The following PTK2 variants were observed in gnomAD, a reference collection of about 807,000 sequenced individuals.
PTK2 encodes focal adhesion kinase 1.
Under a neutral mutation model 150.1 loss-of-function variants are expected in PTK2, and 45 were observed. The ratio of observed to expected loss-of-function variants is 0.30; its 90% CI spans 0.24 to 0.38. The LOEUF is 0.38. Among genes scored for constraint, PTK2 ranks in the 10% least tolerant of loss-of-function variants. The probability of loss-of-function intolerance (pLI) is 1.00; values close to 1 mark genes in which losing one functional copy is unlikely to be tolerated. For missense variants in PTK2, 919 were observed against 1,307.3 expected (o/e 0.70, Z 4.58); for synonymous variants, 432 against 449.2 (o/e 0.96, Z 0.48).
exon 12 of PTK2, chr8:140,800,567 C>G: frequency 6.2e-7 from 1 of 1,612,142 alleles, no homozygotes; most frequent in Non-Finnish European, 8.5e-7. Context: ...GGTGCCGTCA[C>G]TGTCAGAGGC....
chr8:140,663,927 T>C (rs2085090482), intron 31 of PTK2, among the ~76,000 whole-genome samples: 1 of 152,208 alleles, frequency 6.6e-6, no homozygotes, highest in Non-Finnish European at 1.5e-5. Context: ...GTGTTGGGAT[T>C]ACAGAGGTGA....
chr8:140,764,607 G>A, intron 14 of PTK2: 1 of 415,022 alleles, frequency 2.4e-6, no homozygotes, highest in Non-Finnish European at 4.3e-6. Context: ...CAACCGCAAA[G>A]CTCTTCCTCA....
chr8:140,746,631 C>T, intron 18 of PTK2, 129 bp downstream of exon 21: 1 of 637,340 alleles, frequency 1.6e-6, no homozygotes. Flanking sequence ...TGAACCAAAA[C>T]CATAATGACA....
chr8:140,665,453 C>T (rs2089959160), intron 30 of PTK2, among the ~76,000 whole-genome samples: 1 of 152,152 alleles, frequency 6.6e-6, no homozygotes, highest in Admixed American at 6.5e-5. Flanking sequence ...GATGACACCA[C>T]TGCCCCGGAT....
At chr8:140,975,746 G>A (rs1443563373) in intron 1 of PTK2, among the ~76,000 whole-genome samples, 2 of 152,208 alleles carry the variant, frequency 1.3e-5, no homozygotes, top group Non-Finnish European at 2.9e-5. Flanking sequence ...GGCATCACAA[G>A]GGACTTGCCC....
At chr8:140,743,199 C>A in intron 20 of PTK2, 31 bp downstream of exon 23, 3 of 1,396,504 alleles carry the variant, frequency 2.1e-6, no homozygotes, top group Non-Finnish European at 2.0e-6. Flanking sequence ...GATTCCAAGC[C>A]TATTTCTTAG....
chr8:140,694,692 C>CAGA (rs1202952851), intron 26 of PTK2, among the ~76,000 whole-genome samples: 2 of 152,140 alleles, frequency 1.3e-5, no homozygotes, highest in South Asian at 2.1e-4. Context: ...GGCCAAGACC[C>CAGA]AGAAACAAGC....
chr8:140,820,065 A>C (rs1408478873), intron 8 of PTK2, among the ~76,000 whole-genome samples: 1 of 54,898 alleles, frequency 1.8e-5, no homozygotes, highest in Admixed American at 2.4e-4. Context: ...GAGTGACTTT[A>C]TCTGACTTTG....
chr8:140,835,966 C>A (rs746311482), intron 7 of PTK2, among the ~76,000 whole-genome samples: 1 of 151,978 alleles, frequency 6.6e-6, no homozygotes, highest in Admixed American at 6.6e-5. Context: ...CTCCCTGTGA[C>A]GAGAATGGCA....
At chr8:140,954,674 AAGAC>A (rs1228205200) in intron 1 of PTK2, 1 of 152,200 alleles carries the variant, frequency 6.6e-6, no homozygotes, top group Non-Finnish European at 1.5e-5. Context: ...AAGAGACACT[AAGAC>A]AGGTGAAAGA....
At chr8:140,817,731 C>G (rs1489764985) in intron 10 of PTK2, among the ~76,000 whole-genome samples, 4 of 152,134 alleles carry the variant, frequency 2.6e-5, no homozygotes, top group African/African-American at 7.2e-5. Flanking sequence ...CTCAATAATA[C>G]TTGTTGGAAG....
intron 1 of PTK2, among the ~76,000 whole-genome samples, chr8:140,983,207 CA>C (rs1321439567): frequency 6.6e-6 from 1 of 151,680 alleles, no homozygotes. Context: ...GCCAACAGAG[CA>C]AAACCCTGTC....
intron 8 of PTK2, among the ~76,000 whole-genome samples, chr8:140,826,091 G>C (rs758308595): frequency 6.6e-6 from 1 of 151,858 alleles, no homozygotes; most frequent in East Asian, 1.9e-4. Flanking sequence ...AATATAAATA[G>C]AAAGGGAAAA....
At chr8:140,730,890 T>C (rs2100048774) in intron 22 of PTK2, among the ~76,000 whole-genome samples, 1 of 151,992 alleles carries the variant, frequency 6.6e-6, no homozygotes. Context: ...AAGCTGTTTA[T>C]TATGGTTTCC....
At chr8:140,930,379 A>G (rs570962295) in intron 1 of PTK2, among the ~76,000 whole-genome samples, 5 of 152,294 alleles carry the variant, frequency 3.3e-5, no homozygotes, top group East Asian at 1.9e-4. Context: ...CTTCTGTCCT[A>G]TGTTCCAATG....
chr8:140,660,881 C>T (rs1279189648), intron 31 of PTK2, among the ~76,000 whole-genome samples: 4 of 152,212 alleles, frequency 2.6e-5, no homozygotes, highest in Admixed American at 6.5e-5. Flanking sequence ...TATCCATTTG[C>T]TCTTTTATCA....
chr8:140,753,330 G>C (rs927088921), intron 16 of PTK2, among the ~76,000 whole-genome samples: 1 of 152,236 alleles, frequency 6.6e-6, no homozygotes, highest in Non-Finnish European at 1.5e-5. Context: ...AAACTGACAA[G>C]ATGGAAGGGG....
At chr8:140,674,227 A>T in intron 29 of PTK2, 71 bp downstream of exon 32, 1 of 1,396,008 alleles carries the variant, frequency 7.2e-7, no homozygotes, top group African/African-American at 1.4e-5. Flanking sequence ...TGACATGAAC[A>T]CATCAACTGA....
intron 19 of PTK2, 100 bp downstream of exon 22, chr8:140,744,552 C>T: frequency 5.0e-6 from 3 of 595,526 alleles, no homozygotes; most frequent in Admixed American, 3.1e-5. Context: ...CCAAAGGGGA[C>T]CCTGGATCCA....
Sources: gnomAD v4.1 joint callset for allele counts (sites outside exome capture counted in the v4.1 genomes callset) on GRCh38, gnomAD v4.1.1 for gene constraint, MANE v1.5 for transcripts, NCBI Gene and HGNC (gene_info 2026-07-23, HGNC 2026-07-21) for gene names.